The following SEPTIN9 variants were observed in gnomAD, a reference collection of about 807,000 sequenced individuals.
SEPTIN9 encodes the protein septin-9.
In SEPTIN9, 13 loss-of-function variants were observed where a neutral mutation model predicts 56.6. The ratio of observed to expected loss-of-function variants is 0.23; its 90% CI spans 0.15 to 0.37. SEPTIN9 has a LOEUF of 0.37. Ranked by LOEUF, SEPTIN9 falls within the 10% of genes least tolerant of loss-of-function variation. SEPTIN9 has a pLI of 1.00. For synonymous variants in SEPTIN9, 332 were observed against 334.1 expected (o/e 0.99, Z 0.07); for missense variants, 650 against 823.1 (o/e 0.79, Z 2.57).
intron 2 of SEPTIN9, among the ~76,000 whole-genome samples, chr17:77,315,294 T>TG (rs954834964): frequency 6.6e-6 from 1 of 151,096 alleles, no homozygotes; most frequent in African/African-American, 2.4e-5. Flanking sequence ...CTAACTTCTT[T>TG]TTTTTTTTTT....
intron 3 of SEPTIN9, among the ~76,000 whole-genome samples, chr17:77,459,203 G>A (rs2038350112): frequency 6.6e-6 from 1 of 152,224 alleles, no homozygotes; most frequent in East Asian, 1.9e-4. Flanking sequence ...CTTGCCTAAA[G>A]TCCCTTAGCT....
At chr17:77,365,131 C>T (rs1013090693) in intron 2 of SEPTIN9, among the ~76,000 whole-genome samples, 1 of 152,154 alleles carries the variant, frequency 6.6e-6, no homozygotes, top group African/African-American at 2.4e-5. Flanking sequence ...GCCCCACATT[C>T]CAGGCCCCCA....
Position 77,307,127 on chromosome 17 carries a change from GTC to G in SEPTIN9, c.20-10_20-9del, listed in dbSNP as rs774853263. ...TGGCCTTGTGTGACCTTTGCCCTTT[GTC>G]TCTGTCTTTAGGAGGCACGCGGACC... On this transcript the variant is annotated splice_polypyrimidine_tract_variant and intron_variant, in intron 1 of 11. Transcript: ENST00000427177. The G allele has an allele frequency of 5.0e-6, 8 of 1,613,716 alleles. No individual in the cohort carries two copies. The highest frequency in any genetic ancestry group is 6.8e-6 in the Non-Finnish European group (8 of 1,179,756).
rs180725515 is a variant in SEPTIN9 at position 77,404,499 on chromosome 17, C to T, written c.721+1796C>T. Among the ~76,000 whole-genome samples, 6 of 152,342 alleles carry T rather than the reference C, an allele frequency of 3.9e-5. 1 individual carries two copies. The highest frequency in any genetic ancestry group is 3.9e-4 in the East Asian group (2 of 5,194). On this transcript the variant is annotated intron_variant, in intron 3 of 11. Coordinates refer to ENST00000427177, the MANE Select transcript of SEPTIN9 (RefSeq NM_001113491.2). ...CTGGGTTCAAATGAGCCTCCTGCCT[C>T]GGCCTCCCAAAGTGTTGGGATTATA...
intron 3 of SEPTIN9, among the ~76,000 whole-genome samples, chr17:77,462,523 A>G (rs773562549): frequency 3.3e-5 from 5 of 152,208 alleles, no homozygotes; most frequent in Admixed American, 6.5e-5. Flanking sequence ...GGCTCGAGCA[A>G]TCCTCCTGCC....
chr17:77,283,281 T>C (rs2143473411), intron 1 of SEPTIN9, among the ~76,000 whole-genome samples: 1 of 151,954 alleles, frequency 6.6e-6, no homozygotes, highest in South Asian at 2.1e-4. Flanking sequence ...TGTGTTTACC[T>C]AAAGGGGCAG....
intron 2 of SEPTIN9, among the ~76,000 whole-genome samples, chr17:77,346,435 CTT>C (rs142708694): frequency 0.015 from 2,331 of 151,916 alleles, 58 homozygotes; most frequent in African/African-American, 0.053. Context: ...GTGATTTCCT[CTT>C]TGACTCATGG....
chr17:77,483,961 G>A lies in SEPTIN9; in HGVS notation c.913+1626G>A, dbSNP rs1028986887. On this transcript the variant is annotated intron_variant, in intron 4 of 11. Coordinates refer to ENST00000427177, the MANE Select transcript of SEPTIN9 (RefSeq NM_001113491.2). ...GTGCAGGCAAGGTGGAGGGGCACCT[G>A]TTTGGAGGTCCACAGACCCCGGGGA... 2.0e-5 allele frequency: 3 copies of A among 152,504 alleles called. No homozygotes were observed. The East Asian group carries it at 5.8e-4, about 29-fold the overall frequency. 9.4% of individuals were successfully genotyped at this position (152,504 alleles called of 1,614,324 possible). A position where few individuals can be genotyped will look rare whatever the true frequency, so the allele number is the denominator to read the frequency against.
intron 1 of SEPTIN9, among the ~76,000 whole-genome samples, chr17:77,285,358 A>G (rs1461500931): frequency 6.6e-6 from 1 of 151,814 alleles, no homozygotes; most frequent in African/African-American, 2.4e-5. Context: ...GTTGCGTCAC[A>G]CCCCTACTGG....
intron 2 of SEPTIN9, among the ~76,000 whole-genome samples, chr17:77,395,346 T>C (rs1400683209): frequency 6.6e-6 from 1 of 151,578 alleles, no homozygotes; most frequent in Non-Finnish European, 1.5e-5. Context: ...GCTAACACGG[T>C]GAAATCGTGT....
rs182748961 is a variant in SEPTIN9 at position 77,319,065 on chromosome 17, C to G, written c.76+11868C>G. On this transcript the variant is annotated intron_variant, in intron 2 of 11. Transcript: ENST00000427177. This position sits in a 1 kb window ranked among gnomAD's most constrained non-coding sequence, Gnocchi z 5.3. Reference sequence around the variant, plus strand: ...CCCTTTCTCAACAGAAGCTGACAGTCTGGAGTTTTCAGAGAGATTGCCTGA... The same window carrying G: ...CCCTTTCTCAACAGAAGCTGACAGTGTGGAGTTTTCAGAGAGATTGCCTGA... Among the ~76,000 whole-genome samples, 1 of 152,356 alleles carries G rather than the reference C, an allele frequency of 6.6e-6. No individual in the cohort carries two copies. Among genetic ancestry groups the G allele is most frequent in the Admixed American group, 6.5e-5 (1 of 15,310 alleles).
At chr17:77,382,432 G>C (rs533385264) in intron 2 of SEPTIN9, among the ~76,000 whole-genome samples, 96 of 152,338 alleles carry the variant, frequency 6.3e-4, no homozygotes, top group African/African-American at 2.3e-3. Context: ...GGAGAGGGCT[G>C]TTGGTGCCAG....
intron 1 of SEPTIN9, chr17:77,295,049 G>T (rs1029356948): frequency 3.3e-5 from 5 of 152,142 alleles, no homozygotes; most frequent in Non-Finnish European, 5.9e-5. Flanking sequence ...CTTCTCCTTA[G>T]CAGGAGCCCC....
chr17:77,434,557 G>C lies in SEPTIN9; in HGVS notation c.721+31854G>C, dbSNP rs1159892708. On this transcript the variant is annotated intron_variant, in intron 3 of 11. Transcript: ENST00000427177. The surrounding 1 kb of genome is among the most constrained non-coding windows in gnomAD (Gnocchi z 5.0). Reference sequence around the variant, plus strand: ...GTGGCAGAGTCCCATTGGCCTGCAGGGGACCCTCTGTGGGCTGCAGGTAGT... The same window carrying C: ...GTGGCAGAGTCCCATTGGCCTGCAGCGGACCCTCTGTGGGCTGCAGGTAGT... Among the ~76,000 whole-genome samples the C allele has an allele frequency of 1.3e-5, 2 of 152,190 alleles. No homozygotes were observed. Among genetic ancestry groups the C allele is most frequent in the Non-Finnish European group, 2.9e-5 (2 of 68,034 alleles).
rs1598316217 is a variant in SEPTIN9 at position 77,402,237 on chromosome 17, C to T, written c.255C>T (p.Ser85=). The change falls in exon 3 of 12, where the codon TCC becomes TCT. Residue 85 remains serine, a synonymous_variant. Coordinates refer to ENST00000427177, the MANE Select transcript of SEPTIN9 (RefSeq NM_001113491.2). This position sits in a 1 kb window ranked among gnomAD's most constrained non-coding sequence, Gnocchi z 6.6. The part of the protein sequence containing the change: ...ARHVDSLSQR[S]PKASLRRVEL... ...ATGTGGACTCCCTAAGCCAACGCTC[C>T]CCCAAGGCGTCCCTGCGGAGGGTGG... 1 of 1,613,456 alleles carries T rather than the reference C, an allele frequency of 6.2e-7. No homozygotes were observed. Among genetic ancestry groups the T allele is most frequent in the Non-Finnish European group, 8.5e-7 (1 of 1,179,870 alleles).
Position 77,298,686 on chromosome 17 carries a change from T to C in SEPTIN9, c.20-8455T>C, listed in dbSNP as rs181516879. 9.8e-5 allele frequency among the ~76,000 whole-genome samples: 15 copies of C among 152,292 alleles called. No individual in the cohort carries two copies. The East Asian group carries it at 2.9e-3, about 29-fold the overall frequency. On this transcript the variant is annotated intron_variant, in intron 1 of 11. Transcript: ENST00000427177. ...GGTATGTGGAGATGGGGGTCAGCTG[T>C]CTTCTCTGATGCCTCTGAACCTCCT...
rs1179014840 is a variant in SEPTIN9 at position 77,415,622 on chromosome 17, T to C, written c.721+12919T>C. Among the ~76,000 whole-genome samples the C allele has an allele frequency of 2.3e-5, 3 of 129,262 alleles. No individual in the cohort carries two copies. In the South Asian group the frequency reaches 7.4e-4, roughly 32 times the overall value. 84.8% of individuals were successfully genotyped at this position (129,262 alleles called of 152,430 possible). ...CAGCCTGGGTGACAGAGTGAGACTATGTCTCAAAAAAAAAAAAAAAAAGAA... is the reference window on the plus strand; with the variant it reads ...CAGCCTGGGTGACAGAGTGAGACTACGTCTCAAAAAAAAAAAAAAAAAGAA... On this transcript the variant is annotated intron_variant, in intron 3 of 11. Transcript: ENST00000427177.
At chr17:77,315,340 T>C (rs1598180522) in intron 2 of SEPTIN9, among the ~76,000 whole-genome samples, 2 of 149,530 alleles carry the variant, frequency 1.3e-5, no homozygotes, top group Non-Finnish European at 3.0e-5. Flanking sequence ...CAGGCTGGAG[T>C]GCAGTGGCGT....
intron 1 of SEPTIN9, chr17:77,288,099 G>A (rs1018145190): frequency 6.1e-5 from 65 of 1,063,626 alleles, no homozygotes; most frequent in Non-Finnish European, 6.9e-5. Flanking sequence ...CCTTTGGAGC[G>A]CTGGACTCTC....
Sources: gnomAD v4.1 joint callset for allele counts (sites outside exome capture counted in the v4.1 genomes callset) on GRCh38, gnomAD v4.1.1 for gene constraint, Gnocchi (gnomAD v3.1) non-coding constraint, MANE v1.5 for transcripts, NCBI Gene and HGNC (gene_info 2026-07-23, HGNC 2026-07-21) for gene names.